SPATA31C1: variants seen among roughly 807,000 people sequenced by gnomAD.
SPATA31C1 encodes SPATA31 subfamily C member 1.
chr9:87,922,060 T>C, exon 5 of SPATA31C1: 1 of 1,613,988 alleles, frequency 6.2e-7, no homozygotes, highest in Non-Finnish European at 8.5e-7. Context: ...GAGCCACCAA[T>C]GGCAAGTCTG....
chr9:87,921,612 T>G, exon 5 of SPATA31C1: 1 of 1,611,900 alleles, frequency 6.2e-7, no homozygotes, highest in South Asian at 1.1e-5. Context: ...AGGAAGTGAT[T>G]TATTAAGACG....
At chr9:87,921,941 T>C (rs1357962439) in exon 5 of SPATA31C1, 1 of 1,612,228 alleles carries the variant, frequency 6.2e-7, no homozygotes, top group Admixed American at 1.7e-5. Flanking sequence ...TTCAGTGCTT[T>C]CAACTGGAAA....
chr9:87,922,649 T>C (rs2118003056), exon 5 of SPATA31C1: 1 of 1,608,676 alleles, frequency 6.2e-7, no homozygotes, highest in East Asian at 2.2e-5. Context: ...AGAGCACGCC[T>C]ACTGGGAACA....
exon 5 of SPATA31C1, chr9:87,920,705 G>A: frequency 1.9e-6 from 3 of 1,613,950 alleles, no homozygotes; most frequent in Non-Finnish European, 2.5e-6. Context: ...CTCAAAGCTT[G>A]TCTCCACGTG....
chr9:87,922,237 A>T, exon 5 of SPATA31C1: 2 of 1,613,294 alleles, frequency 1.2e-6, no homozygotes, highest in Non-Finnish European at 1.7e-6. Context: ...TGGCCATCTA[A>T]GCCCCTCACA....
chr9:87,922,502 T>A (rs745388927), exon 5 of SPATA31C1: 1 of 1,610,748 alleles, frequency 6.2e-7, no homozygotes, highest in East Asian at 2.2e-5. Context: ...TTAGTGAATT[T>A]GAGCCTGGAA....
chr9:87,921,799 G>A (rs1412414507), exon 5 of SPATA31C1: 3 of 1,612,050 alleles, frequency 1.9e-6, no homozygotes, highest in Admixed American at 1.7e-5. Flanking sequence ...CCGAAAAGTA[G>A]GAAAGCCTGT....
chr9:87,921,950 A>G, exon 5 of SPATA31C1: 1 of 1,612,424 alleles, frequency 6.2e-7, no homozygotes, highest in Non-Finnish European at 8.5e-7. Context: ...TTCAACTGGA[A>G]AAGGTTTCAT....
intron 3 of SPATA31C1, 55 bp downstream of exon 2, chr9:87,919,403 G>A (rs1400622235): frequency 1.4e-5 from 23 of 1,595,188 alleles, no homozygotes; most frequent in Non-Finnish European, 2.0e-5. Context: ...GTCCGGGAGG[G>A]AACTGACTCT....
exon 5 of SPATA31C1, chr9:87,923,257 C>T (rs769402790): frequency 6.2e-7 from 1 of 1,603,588 alleles, no homozygotes; most frequent in Non-Finnish European, 8.5e-7. Flanking sequence ...CTGAGCTATG[C>T]AGCCAGCAGT....
At chr9:87,921,976 A>G (rs1564140756) in exon 5 of SPATA31C1, 2 of 1,613,180 alleles carry the variant, frequency 1.2e-6, no homozygotes, top group Non-Finnish European at 1.7e-6. Flanking sequence ...TCCCTTATAC[A>G]GCTTGCTGGT....
chr9:87,920,889 CA>C, exon 5 of SPATA31C1: 1 of 1,613,366 alleles, frequency 6.2e-7, no homozygotes, highest in Non-Finnish European at 8.5e-7. Flanking sequence ...ACTGCTTTTC[CA>C]GGCCCAGCCC....
In SPATA31C1 at chr9:87,919,351, A is replaced by G. The variant is rs775879819; in HGVS notation, n.580+3A>G. ...GATGAAAAACCACAGTCTGAGAGGT[A>G]AGGCTCTGCCAGGGCACACTAGAGT... On this transcript the variant is annotated splice_donor_region_variant and intron_variant and non_coding_transcript_variant, in intron 3 of 4. Transcript: ENST00000420021. 26 of 1,602,434 alleles carry G rather than the reference A, an allele frequency of 1.6e-5. No individual in the cohort carries two copies. The highest frequency in any genetic ancestry group is 5.4e-5 in the African/African-American group (4 of 74,378).
At chr9:87,921,492 G>T (rs1285774461) in exon 5 of SPATA31C1, 2 of 1,611,888 alleles carry the variant, frequency 1.2e-6, no homozygotes, top group South Asian at 2.2e-5. Flanking sequence ...AATTCTGGGT[G>T]AGACCCCACA....
At chr9:87,916,906 A>AGAATGGCATGAACCCAGGAGGCACAGGTT (rs1318931173) in intron 1 of SPATA31C1, among the ~76,000 whole-genome samples, 1 of 61,990 alleles carries the variant, frequency 1.6e-5, no homozygotes, top group African/African-American at 5.8e-5. Context: ...CTGAGGCAGG[A>AGAATGGCATGAACCCAGGAGGCACAGGTT]GAATGGCATG....
chr9:87,921,643 A>G lies in SPATA31C1; in HGVS notation n.2033A>G, dbSNP rs1315645290. Reference sequence around the variant, plus strand: ...AGACGCACAGAGAGGAATCATATAGAAAACATCCTGAAAGCCCACATGGGC... The same window carrying G: ...AGACGCACAGAGAGGAATCATATAGGAAACATCCTGAAAGCCCACATGGGC... On this transcript the variant is annotated non_coding_transcript_exon_variant, in exon 5 of 5. Coordinates refer to ENST00000420021, the Ensembl canonical transcript of SPATA31C1. 9 of 1,612,042 alleles carry G rather than the reference A, an allele frequency of 5.6e-6. 1 individual carries two copies. The East Asian group carries it at 2.0e-4, about 36-fold the overall frequency.
exon 5 of SPATA31C1, chr9:87,922,482 G>A (rs1437658234): frequency 6.2e-7 from 1 of 1,610,562 alleles, no homozygotes; most frequent in East Asian, 2.2e-5. Context: ...GTGTCTCATG[G>A]AGGAGGCTGT....
chr9:87,921,494 G>C, exon 5 of SPATA31C1: 3 of 1,611,864 alleles, frequency 1.9e-6, no homozygotes, highest in Non-Finnish European at 2.5e-6. Flanking sequence ...TTCTGGGTGA[G>C]ACCCCACAAA....
exon 5 of SPATA31C1, chr9:87,922,642 G>A: frequency 4.4e-6 from 7 of 1,608,814 alleles, no homozygotes; most frequent in Non-Finnish European, 5.9e-6. Context: ...CATCTCCAGA[G>A]CACGCCTACT....
Sources: gnomAD v4.1 joint callset for allele counts (sites outside exome capture counted in the v4.1 genomes callset) on GRCh38, gnomAD v4.1.1 for gene constraint, MANE v1.5 for transcripts, NCBI Gene and HGNC (gene_info 2026-07-23, HGNC 2026-07-21) for gene names.